Variants in BCAS3 observed in about 807,000 individuals in gnomAD.
The protein encoded by BCAS3 is BCAS4/BCAS3 fusion.
Under a neutral mutation model 116.1 loss-of-function variants are expected in BCAS3, and 53 were observed. The ratio of observed to expected loss-of-function variants is 0.46; its 90% CI spans 0.37 to 0.57. The LOEUF (loss-of-function observed/expected upper bound fraction) is 0.57. Among genes scored for constraint, BCAS3 ranks in the 20% least tolerant of loss-of-function variants. BCAS3 has a pLI of 0.00. For missense variants in BCAS3, 917 were observed against 1,165.4 expected (o/e 0.79, Z 3.10); for synonymous variants, 391 against 408.2 (o/e 0.96, Z 0.51).
At chr17:60,796,360 CT>C (rs1266867952) in intron 6 of BCAS3, among the ~76,000 whole-genome samples, 5 of 152,006 alleles carry the variant, frequency 3.3e-5, no homozygotes, top group Admixed American at 2.6e-4. Flanking sequence ...TGGTCCTGGA[CT>C]TTTTTTTGTT....
At chr17:61,022,672 A>G (rs750876151) in intron 16 of BCAS3, among the ~76,000 whole-genome samples, 1 of 152,088 alleles carries the variant, frequency 6.6e-6, no homozygotes, top group Non-Finnish European at 1.5e-5. Flanking sequence ...TTTCCTAATG[A>G]AAAGTCACCC....
At chr17:60,794,552 C>T (rs2047049668) in intron 6 of BCAS3, among the ~76,000 whole-genome samples, 1 of 152,150 alleles carries the variant, frequency 6.6e-6, no homozygotes, top group Non-Finnish European at 1.5e-5. Flanking sequence ...AGGTTTAAGT[C>T]CTTAGTCCAT....
At chr17:60,904,258 G>T (rs957985285) in intron 11 of BCAS3, among the ~76,000 whole-genome samples, 3 of 151,928 alleles carry the variant, frequency 2.0e-5, no homozygotes, top group Non-Finnish European at 2.9e-5. Context: ...ACAAATATTA[G>T]CTGGGCATGG....
rs1176113691 is a variant in BCAS3 at position 60,964,505 on chromosome 17, T to A, written c.1221+17153T>A. Among the ~76,000 whole-genome samples, 2 of 152,184 alleles carry A rather than the reference T, an allele frequency of 1.3e-5. No individual in the cohort carries two copies. Among genetic ancestry groups the A allele is most frequent in the Non-Finnish European group, 2.9e-5 (2 of 68,028 alleles). On this transcript the variant is annotated intron_variant, in intron 14 of 23. Coordinates refer to ENST00000407086, the MANE Select transcript of BCAS3 (RefSeq NM_017679.5). This position sits in a 1 kb window ranked among gnomAD's most constrained non-coding sequence, Gnocchi z 4.6. ...TTGGCCTGTAGTTTTCTTTTCTTGT[T>A]GTCGTGTCCTTATCTGATTTTACTG...
At position 61,344,932 on chromosome 17, in the gene BCAS3, C is replaced by T. The variant is rs965305798; in HGVS notation, c.2426-23395C>T. 2.6e-5 allele frequency among the ~76,000 whole-genome samples: 4 copies of T among 151,450 alleles called. No homozygotes were observed. Among genetic ancestry groups the T allele is most frequent in the African/African-American group, 9.7e-5 (4 of 41,352 alleles). ...GATCGGAAATACACACACACACACA[C>T]ATACACACACACACACGCACACCCC... is the stretch of plus-strand genomic sequence containing the variant. On this transcript the variant is annotated intron_variant, in intron 22 of 23. Transcript: ENST00000407086. The surrounding 1 kb of genome is among the most constrained non-coding windows in gnomAD (Gnocchi z 4.1).
Position 60,993,080 on chromosome 17 carries a change from A to T in BCAS3, c.1486+2845A>T, listed in dbSNP as rs7214111. On this transcript the variant is annotated intron_variant, in intron 15 of 23. Coordinates refer to ENST00000407086, the MANE Select transcript of BCAS3 (RefSeq NM_017679.5). This position sits in a 1 kb window ranked among gnomAD's most constrained non-coding sequence, Gnocchi z 4.2. ...TTTGTTCTTATTCTTGCTTCTTTAT[A>T]CAGCAAACCACATAAGAGGTTTTTG... is the stretch of plus-strand genomic sequence containing the variant. Among the ~76,000 whole-genome samples the T allele has an allele frequency of 0.15, 23,409 of 152,178 alleles. 5,710 individuals carry two copies. The highest frequency in any genetic ancestry group is 0.52 in the African/African-American group (21,456 of 41,450).
In BCAS3 at chr17:61,098,691, T is replaced by C. The variant is rs2074126029; in HGVS notation, c.2425+14127T>C. Among the ~76,000 whole-genome samples the C allele has an allele frequency of 6.6e-6, 1 of 152,202 alleles. No individual in the cohort carries two copies. The highest frequency in any genetic ancestry group is 2.1e-4 in the South Asian group (1 of 4,830). On this transcript the variant is annotated intron_variant, in intron 22 of 23. Transcript: ENST00000407086. The surrounding 1 kb of genome is among the most constrained non-coding windows in gnomAD (Gnocchi z 4.2). ...AGTGAGTAGAAGGAGATGATACTGA[T>C]AGCAATTCTTAAGTCTCTAAATGTT... is the stretch of plus-strand genomic sequence containing the variant.
intron 6 of BCAS3, among the ~76,000 whole-genome samples, chr17:60,753,379 CTTATTTTAT>C (rs1380041413): frequency 1.5e-4 from 20 of 131,192 alleles, no homozygotes; most frequent in African/African-American, 5.2e-4. Flanking sequence ...TTATTTGTCT[CTTATTTTAT>C]TTATTTATTT....
chr17:60,784,713 A>C (rs1259388655), intron 6 of BCAS3, among the ~76,000 whole-genome samples: 1 of 152,160 alleles, frequency 6.6e-6, no homozygotes, highest in Non-Finnish European at 1.5e-5. Context: ...CTGGGATTAC[A>C]GATACATGCT....
chr17:60,951,588 TATC>T (rs1188546704), intron 14 of BCAS3, among the ~76,000 whole-genome samples: 1 of 152,162 alleles, frequency 6.6e-6, no homozygotes, highest in Non-Finnish European at 1.5e-5. Flanking sequence ...TTTCAATTAT[TATC>T]CTAGCACTGG....
chr17:60,975,847 C>G (rs1405166633), intron 14 of BCAS3, among the ~76,000 whole-genome samples: 3 of 152,034 alleles, frequency 2.0e-5, no homozygotes, highest in African/African-American at 7.2e-5. Context: ...CAAAGTTCAT[C>G]CATTTTCAAA....
intron 5 of BCAS3, chr17:60,727,267 A>G (rs935254209): frequency 6.5e-6 from 7 of 1,073,696 alleles, no homozygotes; most frequent in South Asian, 3.7e-5. Context: ...AGTTAGGCTC[A>G]ACACATTCTG....
chr17:60,765,747 T>G (rs988837970), intron 6 of BCAS3, among the ~76,000 whole-genome samples: 13 of 152,184 alleles, frequency 8.5e-5, no homozygotes, highest in African/African-American at 3.1e-4. Flanking sequence ...TGCCTTGCTA[T>G]GTTGGGGGAG....
intron 22 of BCAS3, among the ~76,000 whole-genome samples, chr17:61,314,897 C>T (rs770577591): frequency 1.3e-5 from 2 of 152,178 alleles, no homozygotes; most frequent in Non-Finnish European, 2.9e-5. Context: ...CTTTACAGAT[C>T]GGACTTGTCC....
chr17:61,059,990 G>GA (rs2069817490), intron 19 of BCAS3, among the ~76,000 whole-genome samples: 1 of 151,924 alleles, frequency 6.6e-6, no homozygotes, highest in Admixed American at 6.6e-5. Context: ...GAGAGAAAGT[G>GA]AAAATGAAAG....
Position 61,391,921 on chromosome 17 carries a change from C to G in BCAS3, c.2594-56C>G. 1 of 1,574,852 alleles carries G rather than the reference C, an allele frequency of 6.3e-7. No homozygotes were observed. Among genetic ancestry groups the G allele is most frequent in the Non-Finnish European group, 8.6e-7 (1 of 1,159,536 alleles). On this transcript the variant is annotated intron_variant, in intron 23 of 23. Coordinates refer to ENST00000407086, the MANE Select transcript of BCAS3 (RefSeq NM_017679.5). The surrounding 1 kb of genome is among the most constrained non-coding windows in gnomAD (Gnocchi z 7.7). ...GGCAGGCAGCCTGGCCCAGATGGTGCCCCCACTCCCCAGACCCAACTCTAA... is the reference window on the plus strand; with the variant it reads ...GGCAGGCAGCCTGGCCCAGATGGTGGCCCCACTCCCCAGACCCAACTCTAA...
At chr17:60,948,889 T>C (rs902696064) in intron 14 of BCAS3, among the ~76,000 whole-genome samples, 7 of 152,038 alleles carry the variant, frequency 4.6e-5, no homozygotes, top group East Asian at 1.9e-4. Context: ...TTTTTTTTTT[T>C]CCCTCAAGAT....
rs547358318 is a variant in BCAS3 at position 61,193,496 on chromosome 17, G to A, written c.2425+108932G>A. Among the ~76,000 whole-genome samples the A allele has an allele frequency of 3.3e-5, 5 of 151,818 alleles. No homozygotes were observed. In the South Asian group the frequency reaches 8.4e-4, roughly 25 times the overall value. ...TTTTTGGCCAGGTGCGGTGGCTCAC[G>A]CCTGTAATCCCAGCACTTTGGGAGG... is the stretch of plus-strand genomic sequence containing the variant. On this transcript the variant is annotated intron_variant, in intron 22 of 23. Transcript: ENST00000407086.
chr17:61,250,161 G>A (rs1011073526), intron 22 of BCAS3, among the ~76,000 whole-genome samples: 49 of 152,140 alleles, frequency 3.2e-4, no homozygotes, highest in African/African-American at 1.1e-3. Context: ...ATAATTGTCT[G>A]CATATGATTT....
Sources: gnomAD v4.1 joint callset for allele counts (sites outside exome capture counted in the v4.1 genomes callset) on GRCh38, gnomAD v4.1.1 for gene constraint, Gnocchi (gnomAD v3.1) non-coding constraint, MANE v1.5 for transcripts, NCBI Gene and HGNC (gene_info 2026-07-23, HGNC 2026-07-21) for gene names.